The following NFIB variants were observed in gnomAD, a reference collection of about 807,000 sequenced individuals.
NFIB encodes nuclear factor I B.
Under a neutral mutation model 61.5 loss-of-function variants are expected in NFIB, and 11 were observed. The ratio of observed to expected loss-of-function variants is 0.18; its 90% confidence interval spans 0.11 to 0.30. NFIB has a LOEUF of 0.30. NFIB is among the 10% of genes least tolerant of loss of function. The pLI, the probability that NFIB is intolerant of heterozygous loss-of-function variation, is 1.00. For missense variants in NFIB, 471 were observed against 608.9 expected (o/e 0.77, Z 2.38); for synonymous variants, 260 against 216.5 (o/e 1.20, Z -1.76).
chr9:14,279,389 T>C (rs1416805248), intron 2 of NFIB, among the ~76,000 whole-genome samples: 1 of 152,102 alleles, frequency 6.6e-6, no homozygotes, highest in Non-Finnish European at 1.5e-5. Flanking sequence ...TTCCCACTAC[T>C]TTCACACAAA....
Position 14,110,419 on chromosome 9 carries a change from T to C in NFIB, c.1467+2580A>G, listed in dbSNP as rs181632900. On this transcript the variant is annotated intron_variant, in intron 10 of 10. Coordinates refer to ENST00000380953, the MANE Select transcript of NFIB (RefSeq NM_001190737.2). ...GTATATTAAAGGCTATAGGGAATGT[T>C]TAAAAGAACCCTCTCAGACTAAAGC... Among the ~76,000 whole-genome samples, 38 of 152,180 alleles carry C rather than the reference T, an allele frequency of 2.5e-4. No homozygotes were observed. In the East Asian group the frequency reaches 7.3e-3, roughly 29 times the overall value.
intron 2 of NFIB, among the ~76,000 whole-genome samples, chr9:14,202,439 T>C (rs889445539): frequency 6.6e-6 from 1 of 152,206 alleles, no homozygotes; most frequent in African/African-American, 2.4e-5. Flanking sequence ...TCAAATACTA[T>C]TTTAGGATGA....
intron 1 of NFIB, among the ~76,000 whole-genome samples, chr9:14,333,404 A>G (rs1183280587): frequency 6.6e-6 from 1 of 151,892 alleles, no homozygotes; most frequent in Non-Finnish European, 1.5e-5. Flanking sequence ...CTTTTTCTTC[A>G]CCCCTCTTTC....
chr9:14,522,070 C>T, the NFIB span, among the ~76,000 whole-genome samples: 1 of 152,174 alleles, frequency 6.6e-6, no homozygotes, highest in Non-Finnish European at 1.5e-5. Context: ...CCCAAACTGA[C>T]AAATATGGCT....
chr9:14,184,347 C>T lies in NFIB; in HGVS notation c.563-4567G>A, dbSNP rs118026896. 1.6e-3 allele frequency among the ~76,000 whole-genome samples: 249 copies of T among 152,342 alleles called. 2 individuals are homozygous for T. The highest frequency in any genetic ancestry group is 2.9e-3 in the Non-Finnish European group (195 of 68,024). On this transcript the variant is annotated intron_variant, in intron 2 of 10. Transcript: ENST00000380953. ...ACTTACCTTCCCCTAACCTCCCTCA[C>T]CCTTCCCACCATTCACCAATACATT...
chr9:14,494,442 T>C, the NFIB span, among the ~76,000 whole-genome samples: 1 of 152,202 alleles, frequency 6.6e-6, no homozygotes, highest in South Asian at 2.1e-4. Context: ...GCACTGTAGA[T>C]CCATTAAAGG....
intron 1 of NFIB, among the ~76,000 whole-genome samples, chr9:14,333,574 T>C (rs1410484063): frequency 6.6e-6 from 1 of 152,302 alleles, no homozygotes; most frequent in South Asian, 2.1e-4. Context: ...CAAAACTTAG[T>C]CACTGAAAAG....
chr9:14,181,290 G>A (rs1259394766), intron 2 of NFIB, among the ~76,000 whole-genome samples: 1 of 152,062 alleles, frequency 6.6e-6, no homozygotes, highest in Non-Finnish European at 1.5e-5. Context: ...ATCTTGGCAG[G>A]CATATTTAGT....
chr9:14,145,272 C>A (rs983644693), intron 6 of NFIB, among the ~76,000 whole-genome samples: 6 of 152,122 alleles, frequency 3.9e-5, no homozygotes, highest in Admixed American at 1.3e-4. Context: ...TGCCTCCCCA[C>A]CTAACACAGG....
chr9:14,172,760 A>G (rs2045710012), intron 3 of NFIB, among the ~76,000 whole-genome samples: 4 of 152,052 alleles, frequency 2.6e-5, no homozygotes, highest in Admixed American at 2.6e-4. Context: ...GAAGAGCAGT[A>G]TAAAAATTCA....
intron 10 of NFIB, among the ~76,000 whole-genome samples, chr9:14,100,881 G>A (rs73409961): frequency 6.6e-6 from 1 of 152,242 alleles, no homozygotes; most frequent in African/African-American, 2.4e-5. Flanking sequence ...ATGAGTACAC[G>A]TCATCTGGTT....
chr9:14,140,972 T>C (rs2041635741), intron 6 of NFIB, among the ~76,000 whole-genome samples: 2 of 152,170 alleles, frequency 1.3e-5, no homozygotes, highest in Non-Finnish European at 2.9e-5. Context: ...CAGCATGCTA[T>C]CACACTCTTA....
At chr9:14,338,834 T>A (rs1006660409) in intron 1 of NFIB, among the ~76,000 whole-genome samples, 4 of 152,070 alleles carry the variant, frequency 2.6e-5, no homozygotes, top group Admixed American at 2.0e-4. Context: ...CCTCTCCTCC[T>A]TTCTCCTGCC....
intron 2 of NFIB, among the ~76,000 whole-genome samples, chr9:14,202,818 C>T (rs1478083399): frequency 2.0e-5 from 3 of 152,050 alleles, no homozygotes; most frequent in Admixed American, 6.6e-5. Context: ...CAATTAATAC[C>T]AAATTTAGCT....
chr9:14,314,131 T>A lies in NFIB; in HGVS notation c.-620A>T. 1 of 970,418 alleles carries A rather than the reference T, an allele frequency of 1.0e-6. No individual in the cohort carries two copies. The highest frequency in any genetic ancestry group is 1.2e-6 in the Non-Finnish European group (1 of 827,184). The allele number at this position is 970,418 out of a possible 1,614,324, so 60.1% of individuals were successfully genotyped here. A position where few individuals can be genotyped will look rare whatever the true frequency, so the allele number is the denominator to read the frequency against. On this transcript the variant is annotated 5_prime_UTR_variant, in exon 1 of 11. Transcript: ENST00000380953. ...CCATGTGTGTGCGCGAGGGGCAGCG[T>A]GAGCGAGTGCGCGCGGGTGGCGGGG... is the stretch of plus-strand genomic sequence containing the variant.
At chr9:14,212,191 A>T (rs1225020434) in intron 2 of NFIB, among the ~76,000 whole-genome samples, 1 of 152,248 alleles carries the variant, frequency 6.6e-6, no homozygotes, top group African/African-American at 2.4e-5. Context: ...TAACTGGGCA[A>T]CCAAAAGACT....
At chr9:14,263,665 C>G (rs1171405884) in intron 2 of NFIB, among the ~76,000 whole-genome samples, 1 of 152,108 alleles carries the variant, frequency 6.6e-6, no homozygotes, top group African/African-American at 2.4e-5. Context: ...CAAAATCACC[C>G]AAATAATTTG....
intron 1 of NFIB, among the ~76,000 whole-genome samples, chr9:14,373,034 C>T (rs1158109378): frequency 6.6e-6 from 1 of 152,128 alleles, no homozygotes; most frequent in Non-Finnish European, 1.5e-5. Context: ...CTAGAATGAG[C>T]TGTTTATATA....
the NFIB span, among the ~76,000 whole-genome samples, chr9:14,436,629 A>G: frequency 1.3e-5 from 2 of 152,218 alleles, no homozygotes; most frequent in Non-Finnish European, 2.9e-5. Flanking sequence ...TCACTACAAA[A>G]GGAAAAACCC....
Sources: gnomAD v4.1 joint callset for allele counts (sites outside exome capture counted in the v4.1 genomes callset) on GRCh38, gnomAD v4.1.1 for gene constraint, MANE v1.5 for transcripts, NCBI Gene and HGNC (gene_info 2026-07-23, HGNC 2026-07-21) for gene names.